Variants in ING3 observed in about 807,000 individuals in gnomAD.
ING3 encodes inhibitor of growth protein 3.
In ING3, 6 loss-of-function variants were observed where a neutral mutation model predicts 64.8. That is an observed-to-expected ratio of 0.09 (90% CI 0.05 to 0.18). ING3 has a LOEUF of 0.18. Ranked by LOEUF, ING3 falls within the 10% of genes least tolerant of loss-of-function variation. The pLI is 1.00. For missense variants in ING3, 310 were observed against 489.7 expected (o/e 0.63, Z 3.46); for synonymous variants, 170 against 173.7 (o/e 0.98, Z 0.17).
intron 6 of ING3, 182 bp from the exon 7 acceptor site, chr7:120,967,347 C>T (rs1310879356): frequency 2.4e-6 from 1 of 422,400 alleles, no homozygotes; most frequent in Admixed American, 4.0e-5. Context: ...GTGGAGAAGT[C>T]TACTCTTAAT....
chr7:120,975,214 G>T lies in ING3; in HGVS notation c.*370G>T, dbSNP rs190021153. The T allele has an allele frequency of 2.6e-4, 42 of 163,546 alleles. 1 individual carries two copies. In the South Asian group the frequency reaches 3.6e-3, roughly 14 times the overall value. The allele number at this position is 163,546 out of a possible 1,614,324, so 10.1% of individuals were successfully genotyped here. A position where few individuals can be genotyped will look rare whatever the true frequency, so the allele number is the denominator to read the frequency against. On this transcript the variant is annotated 3_prime_UTR_variant, in exon 12 of 12. Transcript: ENST00000315870. ...AAGGAAAGTATTTTATATTCAACAG[G>T]TATATTCTGCTGCATGTACTGTACT...
chr7:120,956,497 C>A, intron 4 of ING3: 2 of 1,069,564 alleles, frequency 1.9e-6, no homozygotes, highest in Non-Finnish European at 2.3e-6. Flanking sequence ...AATGCTTATA[C>A]CACAAACTTG....
At chr7:120,956,372 T>G in intron 4 of ING3, 1 of 1,337,996 alleles carries the variant, frequency 7.5e-7, no homozygotes. Context: ...GATTTCATAC[T>G]TATGTTGTCT....
chr7:120,956,332 A>T (rs1351904847), intron 4 of ING3: 1 of 1,399,390 alleles, frequency 7.1e-7, no homozygotes. Context: ...CAGAAAACAC[A>T]TGCTCACTTT....
intron 4 of ING3, chr7:120,956,394 A>G: frequency 7.6e-7 from 1 of 1,308,348 alleles, no homozygotes; most frequent in Non-Finnish European, 9.8e-7. Flanking sequence ...TCCTGGGTAC[A>G]GATTTATTAC....
chr7:120,967,091 G>C (rs1290606595), intron 6 of ING3, among the ~76,000 whole-genome samples: 1 of 152,100 alleles, frequency 6.6e-6, no homozygotes, highest in African/African-American at 2.4e-5. Flanking sequence ...CTAATGTTTG[G>C]CATATAATTA....
intron 8 of ING3, among the ~76,000 whole-genome samples, chr7:120,968,785 G>A (rs530250319): frequency 6.2e-5 from 9 of 144,100 alleles, no homozygotes; most frequent in African/African-American, 2.4e-4. Context: ...GGTGGAGGTT[G>A]CAGCGAGCCA....
At chr7:120,953,206 G>C in intron 2 of ING3, 98 bp from the exon 3 acceptor site, 3 of 609,136 alleles carry the variant, frequency 4.9e-6, no homozygotes, top group Admixed American at 3.2e-5. Context: ...AGGTGAAAGA[G>C]TGTGTATTGT....
chr7:120,968,959 G>A, intron 8 of ING3, 52 bp from the exon 9 acceptor site: 33 of 1,104,896 alleles, frequency 3.0e-5, no homozygotes, highest in South Asian at 1.3e-4. Flanking sequence ...ACTTGAAAAA[G>A]AAAATCTACA....
rs556002735 is a variant in ING3, at chr7:120,955,992, C to A, written c.267+368C>A. ...GAGATTGTTTCTGTGGTAAAATACA[C>A]CTAAGAAGACTGCTTTGACAAGAGT... On this transcript the variant is annotated intron_variant, in intron 4 of 11. Coordinates refer to ENST00000315870, the MANE Select transcript of ING3 (RefSeq NM_019071.3). 9.8e-6 allele frequency: 6 copies of A among 610,762 alleles called. No homozygotes were observed. In the East Asian group the frequency reaches 1.7e-4, roughly 17 times the overall value. 37.8% of individuals were successfully genotyped at this position (610,762 alleles called of 1,614,324 possible). A position where few individuals can be genotyped will look rare whatever the true frequency, so the allele number is the denominator to read the frequency against.
intron 3 of ING3, among the ~76,000 whole-genome samples, chr7:120,955,066 C>T (rs1387388730): frequency 1.3e-5 from 2 of 152,128 alleles, no homozygotes; most frequent in African/African-American, 4.8e-5. Flanking sequence ...TTACTCTTGG[C>T]CATTGTGCAT....
At chr7:120,957,208 A>G (rs1197761171) in intron 4 of ING3, among the ~76,000 whole-genome samples, 1 of 152,044 alleles carries the variant, frequency 6.6e-6, no homozygotes, top group Non-Finnish European at 1.5e-5. Flanking sequence ...CATCTCTACT[A>G]AAAATACAAA....
chr7:120,955,846 A>G (rs1258794823), intron 4 of ING3: 4 of 580,284 alleles, frequency 6.9e-6, no homozygotes, highest in East Asian at 2.9e-5. Context: ...TAGCAAGTCT[A>G]TACGGCGGTA....
intron 4 of ING3, among the ~76,000 whole-genome samples, chr7:120,960,521 C>A (rs1031501792): frequency 1.3e-5 from 2 of 152,068 alleles, no homozygotes; most frequent in Non-Finnish European, 2.9e-5. Flanking sequence ...TTGATTTTAT[C>A]CCTCAGTGTT....
chr7:120,957,327 G>A (rs1213644120), intron 4 of ING3, among the ~76,000 whole-genome samples: 15 of 151,532 alleles, frequency 9.9e-5, no homozygotes, highest in Non-Finnish European at 1.8e-4. Flanking sequence ...AGCAGAGATC[G>A]CGCCACTGCA....
In ING3 at chr7:120,952,581, G is replaced by A. The variant is rs113521165; in HGVS notation, c.101-723G>A. Reference sequence around the variant, plus strand: ...AGGTATTATGGATTAACAGAACTGTGTGCCAAATAAATTCAGAAATGCTTA... The same window carrying A: ...AGGTATTATGGATTAACAGAACTGTATGCCAAATAAATTCAGAAATGCTTA... On this transcript the variant is annotated intron_variant, in intron 2 of 11. Coordinates refer to ENST00000315870, the MANE Select transcript of ING3 (RefSeq NM_019071.3). 4.6e-3 allele frequency among the ~76,000 whole-genome samples: 694 copies of A among 152,168 alleles called. 5 individuals carry two copies. The highest frequency in any genetic ancestry group is 0.016 in the African/African-American group (653 of 41,524).
chr7:120,953,389 G>T lies in ING3; in HGVS notation c.186G>T (p.Met62Ile). The T allele has an allele frequency of 6.3e-7, 1 of 1,596,740 alleles. No individual in the cohort carries two copies. The highest frequency in any genetic ancestry group is 1.1e-5 in the South Asian group (1 of 88,936). Reference sequence around the variant, plus strand: ...AACCTGAGTGGAGGGAAGAGCAAATGGCATCCATCAAAAAAGTATGTGCAA... The same window carrying T: ...AACCTGAGTGGAGGGAAGAGCAAATTGCATCCATCAAAAAAGTATGTGCAA... Reference protein sequence around the residue: ...KNKPEWREEQMASIKKDYYKA... With the variant: ...KNKPEWREEQIASIKKDYYKA... Residue 62 changes from methionine (M) to isoleucine (I), a missense_variant, in exon 3 of 12, where the codon ATG (methionine) becomes ATT (isoleucine). This residue lies in a region of ING3 where 53 missense variants were observed against 116.2 expected (regional missense o/e 0.46). Transcript: ENST00000315870.
At chr7:120,965,725 A>G (rs1409435003) in intron 5 of ING3, among the ~76,000 whole-genome samples, 9 of 152,198 alleles carry the variant, frequency 5.9e-5, no homozygotes, top group South Asian at 2.1e-4. Flanking sequence ...AGGGAAGCCA[A>G]TCACAGATCT....
intron 11 of ING3, among the ~76,000 whole-genome samples, chr7:120,974,318 T>C (rs1796107760): frequency 6.6e-6 from 1 of 152,190 alleles, no homozygotes; most frequent in Admixed American, 6.6e-5. Flanking sequence ...CATAAATTAA[T>C]GTCTTTAATT....
Sources: allele counts gnomAD v4.1 joint callset (sites outside exome capture counted in the v4.1 genomes callset), GRCh38; gene constraint gnomAD v4.1.1; regional missense constraint gnomAD v4.1.1; transcripts MANE v1.5; gene names NCBI Gene and HGNC (gene_info 2026-07-23, HGNC 2026-07-21).